Variants in PTPRN2 observed in about 807,000 individuals in gnomAD.
PTPRN2 encodes the protein protein tyrosine phosphatase receptor type N2, also known as receptor-type tyrosine-protein phosphatase N2.
A neutral mutation model predicts 118.8 loss-of-function variants in PTPRN2; 74 were observed. That is an observed-to-expected ratio of 0.62 (90% CI 0.52 to 0.76). PTPRN2 has a LOEUF of 0.76. Among genes scored for constraint, PTPRN2 ranks in the 30% least tolerant of loss-of-function variants. The pLI is 0.00. For missense variants in PTPRN2, 1,481 were observed against 1,394.4 expected, an observed-to-expected ratio of 1.06 and a Z score of -0.99; for synonymous variants, 641 against 608.0, an observed-to-expected ratio of 1.05 and a Z score of -0.80.
At position 158,319,637 on chromosome 7, in the gene PTPRN2, ACAC is replaced by A. The variant is rs1378268731; in HGVS notation, c.164-2708_164-2706del. Among the ~76,000 whole-genome samples the A allele has an allele frequency of 1.1e-4, 12 of 107,558 alleles. 4 individuals carry two copies. The highest frequency in any genetic ancestry group is 5.8e-4 in the East Asian group (2 of 3,446). The allele number at this position is 107,558 out of a possible 152,430, so 70.6% of individuals were successfully genotyped here. ...TACACACACAGCCTCCCTCACACAC[ACAC>A]AGCCTCCCTCACACACACACACAGC... On this transcript the variant is annotated intron_variant, in intron 2 of 22. Coordinates refer to ENST00000389418, the MANE Select transcript of PTPRN2 (RefSeq NM_002847.5).
At position 157,617,828 on chromosome 7, in the gene PTPRN2, T is replaced by C. The variant is rs1477334315; in HGVS notation, c.2344+3534A>G. ...CCTGAGCCTTCAGCTCTTCGTTGTCTCTGTCTTGTCTCTCTGCATTGTTTG... is the reference window on the plus strand; with the variant it reads ...CCTGAGCCTTCAGCTCTTCGTTGTCCCTGTCTTGTCTCTCTGCATTGTTTG... On this transcript the variant is annotated intron_variant, in intron 15 of 22. Transcript: ENST00000389418. The surrounding 1 kb of genome is among the most constrained non-coding windows in gnomAD (Gnocchi z 7.5). 1 of 152,328 alleles carries C rather than the reference T, an allele frequency of 6.6e-6. No homozygotes were observed. The highest frequency in any genetic ancestry group is 6.5e-5 in the Admixed American group (1 of 15,294). 9.4% of individuals were successfully genotyped at this position (152,328 alleles called of 1,614,324 possible).
At chr7:158,471,843 G>A (rs919637463) in intron 2 of PTPRN2, among the ~76,000 whole-genome samples, 38 of 152,220 alleles carry the variant, frequency 2.5e-4, no homozygotes, top group African/African-American at 3.6e-4. Context: ...CGGGCGCCCC[G>A]GCCCCAGGGC....
At chr7:158,416,525 G>A (rs1814668234) in intron 2 of PTPRN2, among the ~76,000 whole-genome samples, 1 of 152,240 alleles carries the variant, frequency 6.6e-6, no homozygotes, top group Non-Finnish European at 1.5e-5. Context: ...AGACAGCAAA[G>A]CATGGAGCTG....
intron 12 of PTPRN2, among the ~76,000 whole-genome samples, chr7:157,833,190 T>C (rs1807689624): frequency 6.7e-6 from 1 of 150,192 alleles, no homozygotes; most frequent in Non-Finnish European, 1.5e-5. Context: ...CCAGCGCCCA[T>C]CCATCCTGTA....
At chr7:157,992,398 G>A (rs1417513344) in intron 11 of PTPRN2, among the ~76,000 whole-genome samples, 3 of 152,220 alleles carry the variant, frequency 2.0e-5, no homozygotes, top group South Asian at 2.1e-4. Context: ...CAGCCTCTGA[G>A]CTTCTGCCTG....
intron 6 of PTPRN2, among the ~76,000 whole-genome samples, chr7:158,150,336 T>C (rs1277294982): frequency 6.6e-6 from 1 of 152,218 alleles, no homozygotes; most frequent in Non-Finnish European, 1.5e-5. Context: ...GCATGTTCCA[T>C]TTCTGAGTAC....
intron 2 of PTPRN2, among the ~76,000 whole-genome samples, chr7:158,414,617 C>T (rs145111994): frequency 2.6e-5 from 4 of 152,354 alleles, no homozygotes; most frequent in East Asian, 1.9e-4. Context: ...GGCTGGAGGC[C>T]GCCCCCGCTT....
rs185315574 is a variant in PTPRN2, at chr7:158,079,849, G to T, written c.1723+1449C>A. On this transcript the variant is annotated intron_variant, in intron 11 of 22. Transcript: ENST00000389418. Reference sequence around the variant, plus strand: ...TTTCATGCTGGGACCGCACTGGACCGCCCAGCTGGAGTGAGGATGCTGGGC... The same window carrying T: ...TTTCATGCTGGGACCGCACTGGACCTCCCAGCTGGAGTGAGGATGCTGGGC... Among the ~76,000 whole-genome samples, 8 of 152,256 alleles carry T rather than the reference G, an allele frequency of 5.3e-5. No homozygotes were observed. The East Asian group carries it at 1.5e-3, about 29-fold the overall frequency.
rs1356081790 is a variant in PTPRN2 at position 157,591,035 on chromosome 7, T to A, written c.2496+4203A>T. On this transcript the variant is annotated intron_variant, in intron 17 of 22. Coordinates refer to ENST00000389418, the MANE Select transcript of PTPRN2 (RefSeq NM_002847.5). This position sits in a 1 kb window ranked among gnomAD's most constrained non-coding sequence, Gnocchi z 4.4. Reference sequence around the variant, plus strand: ...GGAAATAGGGTCTTTGCATATGTGGTCAAGTTAAGGTGAGGTCACACAGGC... The same window carrying A: ...GGAAATAGGGTCTTTGCATATGTGGACAAGTTAAGGTGAGGTCACACAGGC... Among the ~76,000 whole-genome samples the A allele has an allele frequency of 6.6e-6, 1 of 152,082 alleles. No homozygotes were observed. The highest frequency in any genetic ancestry group is 1.5e-5 in the Non-Finnish European group (1 of 68,014).
chr7:157,709,393 G>A (rs1798487180), intron 12 of PTPRN2, among the ~76,000 whole-genome samples: 1 of 152,218 alleles, frequency 6.6e-6, no homozygotes, highest in South Asian at 2.1e-4. Context: ...CCTCCTGCGG[G>A]TAGCTGAGAG....
In PTPRN2 at chr7:157,550,971, G is replaced by A. The variant is rs1798569697; in HGVS notation, c.2903-1952C>T. ...GGTGAGTTTGTGAAATGGTAGAGAG[G>A]AAGGGAGGAAGCCAAAGGACCCCTC... On this transcript the variant is annotated intron_variant, in intron 21 of 22. Transcript: ENST00000389418. This position sits in a 1 kb window ranked among gnomAD's most constrained non-coding sequence, Gnocchi z 5.2. Among the ~76,000 whole-genome samples, 1 of 152,166 alleles carries A rather than the reference G, an allele frequency of 6.6e-6. No homozygotes were observed. The highest frequency in any genetic ancestry group is 2.4e-5 in the African/African-American group (1 of 41,446).
intron 19 of PTPRN2, among the ~76,000 whole-genome samples, chr7:157,573,974 C>T (rs1799887210): frequency 6.6e-6 from 1 of 152,124 alleles, no homozygotes; most frequent in Admixed American, 6.5e-5. Flanking sequence ...AAGGATCATG[C>T]AGTTGTATTA....
chr7:157,633,117 G>A (rs558969701), intron 14 of PTPRN2, among the ~76,000 whole-genome samples: 63 of 151,838 alleles, frequency 4.1e-4, no homozygotes, highest in Middle Eastern at 6.8e-3. Context: ...TCCTCATGTG[G>A]CTCATTTCTT....
At chr7:158,397,274 G>T (rs750539035) in intron 2 of PTPRN2, among the ~76,000 whole-genome samples, 2 of 152,202 alleles carry the variant, frequency 1.3e-5, no homozygotes, top group Non-Finnish European at 1.5e-5. Flanking sequence ...GCCCAATGTG[G>T]GGCCACTCTG....
At chr7:157,571,626 TA>T (rs1799762846) in intron 19 of PTPRN2, 133 bp from the exon 20 acceptor site, 3 of 623,652 alleles carry the variant, frequency 4.8e-6, no homozygotes, top group Non-Finnish European at 8.3e-6. Flanking sequence ...ACGGAGAAAA[TA>T]AAAATCATAC....
chr7:158,514,159 G>A (rs1435824376), intron 1 of PTPRN2, among the ~76,000 whole-genome samples: 1 of 152,140 alleles, frequency 6.6e-6, no homozygotes, highest in Non-Finnish European at 1.5e-5. Flanking sequence ...TTATTCAGGG[G>A]GCCCTAATCT....
chr7:158,000,011 C>T lies in PTPRN2; in HGVS notation c.1723+81287G>A, dbSNP rs1055970718. Among the ~76,000 whole-genome samples the T allele has an allele frequency of 1.4e-4, 22 of 152,106 alleles. 1 individual carries two copies. The East Asian group carries it at 3.7e-3, about 25-fold the overall frequency. On this transcript the variant is annotated intron_variant, in intron 11 of 22. Transcript: ENST00000389418. ...AAGTGATTCTGATGCCTCAGCCTCG[C>T]GAGAAGCTGGGATTACAGGTGAGTG...
chr7:158,433,337 C>T (rs1341465422), intron 2 of PTPRN2, among the ~76,000 whole-genome samples: 1 of 152,192 alleles, frequency 6.6e-6, no homozygotes, highest in African/African-American at 2.4e-5. Context: ...CCATAAAAGA[C>T]AGATATATTC....
At chr7:157,594,568 G>A (rs1585079397) in intron 17 of PTPRN2, among the ~76,000 whole-genome samples, 1 of 152,222 alleles carries the variant, frequency 6.6e-6, no homozygotes. Flanking sequence ...GCCAGGCTCG[G>A]GGTTGGCTGG....
Sources: gnomAD v4.1 joint callset for allele counts (sites outside exome capture counted in the v4.1 genomes callset) on GRCh38, gnomAD v4.1.1 for gene constraint, Gnocchi (gnomAD v3.1) non-coding constraint, MANE v1.5 for transcripts, NCBI Gene and HGNC (gene_info 2026-07-23, HGNC 2026-07-21) for gene names.